LRRC28: variants seen among roughly 807,000 people sequenced by gnomAD.
The protein encoded by LRRC28 is leucine-rich repeat-containing protein 28.
A neutral mutation model predicts 45.7 loss-of-function variants in LRRC28; 39 were observed. That is an observed-to-expected ratio of 0.85 (90% CI 0.66 to 1.12). The LOEUF is 1.12. LRRC28 is among the 50% of genes most tolerant of loss of function. LRRC28 has a pLI of 0.00. For synonymous variants in LRRC28, 206 were observed against 178.8 expected, an observed-to-expected ratio of 1.15 and a Z score of -1.22; for missense variants, 435 against 438.5, an observed-to-expected ratio of 0.99 and a Z score of 0.07.
At chr15:99,330,694 AGTC>A (rs944122322) in intron 5 of LRRC28, among the ~76,000 whole-genome samples, 4 of 152,044 alleles carry the variant, frequency 2.6e-5, no homozygotes, top group African/African-American at 4.8e-5. Flanking sequence ...TGGGTTATTT[AGTC>A]TGTTCACATC....
At chr15:99,255,555 C>T (rs1377019083) in intron 1 of LRRC28, among the ~76,000 whole-genome samples, 1 of 151,892 alleles carries the variant, frequency 6.6e-6, no homozygotes, top group East Asian at 1.9e-4. Context: ...GGGTTTGCTG[C>T]ATTTGATTTT....
At chr15:99,373,130 G>A (rs7176559) in intron 9 of LRRC28, among the ~76,000 whole-genome samples, 18,564 of 152,124 alleles carry the variant, frequency 0.12, 1,363 homozygotes, top group East Asian at 0.3. Context: ...TAAACCATAT[G>A]AGGAGCTTTA....
intron 6 of LRRC28, among the ~76,000 whole-genome samples, chr15:99,349,459 GA>G (rs1448713907): frequency 6.6e-6 from 1 of 152,108 alleles, no homozygotes; most frequent in Non-Finnish European, 1.5e-5. Flanking sequence ...AAAAGGAAAA[GA>G]AAAATGAAAC....
At chr15:99,266,045 A>G (rs1037696785) in intron 2 of LRRC28, among the ~76,000 whole-genome samples, 7 of 152,210 alleles carry the variant, frequency 4.6e-5, no homozygotes, top group African/African-American at 1.7e-4. Flanking sequence ...AGTTTGGCTT[A>G]TAGCTAAGCA....
chr15:99,298,425 A>G (rs2082320292), intron 5 of LRRC28, among the ~76,000 whole-genome samples: 4 of 152,170 alleles, frequency 2.6e-5, no homozygotes, highest in Admixed American at 2.0e-4. Context: ...TCTGAAAGGT[A>G]TCTGTCTCAT....
chr15:99,310,384 A>G (rs1955360396), intron 5 of LRRC28, among the ~76,000 whole-genome samples: 1 of 152,242 alleles, frequency 6.6e-6, no homozygotes. Context: ...TGGCAAAATC[A>G]TTAATAGCTT....
At chr15:99,375,815 C>G (rs1226692026) in intron 9 of LRRC28, among the ~76,000 whole-genome samples, 1 of 151,888 alleles carries the variant, frequency 6.6e-6, no homozygotes, top group Non-Finnish European at 1.5e-5. Flanking sequence ...GTGATATCAC[C>G]TCCTTCATTT....
At chr15:99,332,267 A>G (rs1001057890) in intron 5 of LRRC28, among the ~76,000 whole-genome samples, 1 of 152,086 alleles carries the variant, frequency 6.6e-6, no homozygotes, top group Non-Finnish European at 1.5e-5. Flanking sequence ...TCTCCTATGC[A>G]CCAGTTAAGT....
chr15:99,333,853 A>G (rs1956232740), intron 5 of LRRC28, 70 bp from the exon 6 acceptor site: 20 of 1,469,354 alleles, frequency 1.4e-5, no homozygotes, highest in South Asian at 7.0e-5. Flanking sequence ...AAACTGTTAT[A>G]ATATTGATTC....
chr15:99,357,897 A>G (rs1281104807), intron 7 of LRRC28, among the ~76,000 whole-genome samples: 1 of 152,110 alleles, frequency 6.6e-6, no homozygotes, highest in African/African-American at 2.4e-5. Context: ...AACTATGGCC[A>G]TTAAAATCAG....
chr15:99,322,505 C>G (rs561269927), intron 5 of LRRC28, among the ~76,000 whole-genome samples: 1 of 152,132 alleles, frequency 6.6e-6, no homozygotes, highest in Admixed American at 6.5e-5. Context: ...GTATTTCTCT[C>G]TATTCTATAG....
At chr15:99,297,874 T>TA (rs1460060930) in intron 5 of LRRC28, among the ~76,000 whole-genome samples, 5 of 152,048 alleles carry the variant, frequency 3.3e-5, no homozygotes, top group African/African-American at 1.2e-4. Context: ...AACCTTAGGA[T>TA]AAAAATGACT....
chr15:99,304,181 A>G (rs951321311), intron 5 of LRRC28, among the ~76,000 whole-genome samples: 62 of 152,350 alleles, frequency 4.1e-4, no homozygotes, highest in African/African-American at 1.4e-3. Flanking sequence ...GCAGTGGCAG[A>G]GTTGAGTAGT....
rs561025205 is a variant in LRRC28 at position 99,361,589 on chromosome 15, C to A, written c.871+78C>A. On this transcript the variant is annotated intron_variant, in intron 8 of 9. Transcript: ENST00000301981. ...TGCTTGGTGCACCTGTTTTGGCGTTCATCTTTAAAAAAAAAATTATTGTGG... is the reference window on the plus strand; with the variant it reads ...TGCTTGGTGCACCTGTTTTGGCGTTAATCTTTAAAAAAAAAATTATTGTGG... 11 of 1,379,474 alleles carry A rather than the reference C, an allele frequency of 8.0e-6. No homozygotes were observed. In the South Asian group the frequency reaches 1.5e-4, roughly 18 times the overall value. The allele number at this position is 1,379,474 out of a possible 1,614,324, so 85.5% of individuals were successfully genotyped here.
intron 5 of LRRC28, among the ~76,000 whole-genome samples, chr15:99,311,204 C>T (rs1322882148): frequency 6.6e-6 from 1 of 152,152 alleles, no homozygotes; most frequent in Non-Finnish European, 1.5e-5. Context: ...TGTGTACTTG[C>T]ATTTTGACTG....
At chr15:99,282,177 G>GTTTTTTTTTTTGTTTTTTTTTTTT in intron 3 of LRRC28, among the ~76,000 whole-genome samples, 1 of 98,048 alleles carries the variant, frequency 1.0e-5, no homozygotes, top group Non-Finnish European at 1.9e-5. Context: ...ATTTTTGGAG[G>GTTTTTTTTTTTGTTTTTTTTTTTT]TTTTTTTTTT....
intron 9 of LRRC28, among the ~76,000 whole-genome samples, chr15:99,372,655 C>T (rs1018993183): frequency 2.6e-5 from 4 of 152,156 alleles, no homozygotes; most frequent in African/African-American, 7.2e-5. Context: ...ACTCCACCCC[C>T]GTGAGCTTCA....
At chr15:99,308,969 A>T (rs1955296444) in intron 5 of LRRC28, among the ~76,000 whole-genome samples, 1 of 152,160 alleles carries the variant, frequency 6.6e-6, no homozygotes, top group Non-Finnish European at 1.5e-5. Context: ...TCTACTAAGG[A>T]ATAGTGCCCT....
Position 99,334,115 on chromosome 15 carries a change from CAT to C in LRRC28, c.579_580del (p.Leu195AlafsTer3). On this transcript the variant is annotated frameshift_variant, in exon 6 of 10. Transcript: ENST00000301981. LOFTEE classifies it high-confidence loss of function. ...CTCTCCATGGCTGGAAACCGTCTTG[CAT>C]TTTTGCCACTTGGTAAGTGATTGTG... 6.8e-6 allele frequency: 11 copies of C among 1,614,092 alleles called. No homozygotes were observed. Among genetic ancestry groups the C allele is most frequent in the Non-Finnish European group, 9.3e-6 (11 of 1,179,980 alleles).
Sources: gnomAD v4.1 joint callset for allele counts (sites outside exome capture counted in the v4.1 genomes callset) on GRCh38, gnomAD v4.1.1 for gene constraint, MANE v1.5 for transcripts, NCBI Gene and HGNC (gene_info 2026-07-23, HGNC 2026-07-21) for gene names.